ZNF385B: variants seen among roughly 807,000 people sequenced by gnomAD.
ZNF385B encodes the protein zinc finger protein 385B, also known as zinc finger protein 533.
In ZNF385B, 23 loss-of-function variants were observed where a neutral mutation model predicts 39.2. That is an observed-to-expected ratio of 0.59 (90% CI 0.42 to 0.83). The LOEUF (loss-of-function observed/expected upper bound fraction) is 0.83. Ranked by LOEUF, ZNF385B falls within the 40% of genes least tolerant of loss-of-function variation. The probability of loss-of-function intolerance (pLI) is 0.00; values close to 1 mark genes in which losing one functional copy is unlikely to be tolerated. For missense variants in ZNF385B, 552 were observed against 598.9 expected (o/e 0.92, Z 0.82); for synonymous variants, 205 against 222.6 (o/e 0.92, Z 0.70).
At chr2:179,718,199 T>C (rs17772191) in intron 3 of ZNF385B, among the ~76,000 whole-genome samples, 18,881 of 151,866 alleles carry the variant, frequency 0.12, 1,339 homozygotes, top group Non-Finnish European at 0.16. Context: ...GCAAAGGATA[T>C]TGTTCTTTAA....
chr2:179,509,636 C>T (rs868738028), intron 5 of ZNF385B, among the ~76,000 whole-genome samples: 14 of 152,226 alleles, frequency 9.2e-5, no homozygotes, highest in South Asian at 4.1e-4. Flanking sequence ...TATAAATAGT[C>T]TTATTTATGG....
chr2:179,474,481 A>G (rs532453017), intron 6 of ZNF385B, among the ~76,000 whole-genome samples: 5 of 152,296 alleles, frequency 3.3e-5, no homozygotes, highest in African/African-American at 1.2e-4. Context: ...AATACTTTCT[A>G]TCTGAATAAC....
intron 3 of ZNF385B, among the ~76,000 whole-genome samples, chr2:179,571,109 A>C (rs919732543): frequency 1.3e-5 from 2 of 152,196 alleles, no homozygotes; most frequent in African/African-American, 4.8e-5. Flanking sequence ...TTTCATTAAC[A>C]ATTTAAACAC....
At chr2:179,664,392 T>C (rs1012301751) in intron 3 of ZNF385B, among the ~76,000 whole-genome samples, 45 of 152,284 alleles carry the variant, frequency 3.0e-4, no homozygotes, top group African/African-American at 8.2e-4. Flanking sequence ...TGAGGAAAAA[T>C]TGTAGCCGAA....
chr2:179,758,395 T>C (rs1703175510), intron 3 of ZNF385B, among the ~76,000 whole-genome samples: 1 of 152,210 alleles, frequency 6.6e-6, no homozygotes, highest in African/African-American at 2.4e-5. Context: ...ACCAACACTG[T>C]GTCCTCAACT....
intron 3 of ZNF385B, among the ~76,000 whole-genome samples, chr2:179,727,197 C>T (rs1297102223): frequency 6.6e-6 from 1 of 151,996 alleles, no homozygotes; most frequent in African/African-American, 2.4e-5. Flanking sequence ...GATAACCACT[C>T]AATTTTATGA....
intron 3 of ZNF385B, among the ~76,000 whole-genome samples, chr2:179,742,137 T>A (rs760822546): frequency 5.3e-5 from 8 of 152,266 alleles, no homozygotes; most frequent in Non-Finnish European, 1.2e-4. Flanking sequence ...GCCTTTATTA[T>A]ACTAGTAATT....
chr2:179,693,248 CTTATG>C (rs1231138738), intron 3 of ZNF385B, among the ~76,000 whole-genome samples: 1 of 152,188 alleles, frequency 6.6e-6, no homozygotes, highest in Non-Finnish European at 1.5e-5. Flanking sequence ...GAGAGGCTCA[CTTATG>C]TTAGCAATTC....
intron 3 of ZNF385B, among the ~76,000 whole-genome samples, chr2:179,570,589 C>T (rs964183313): frequency 1.3e-5 from 2 of 152,124 alleles, no homozygotes; most frequent in Non-Finnish European, 2.9e-5. Flanking sequence ...TGGCACAGTT[C>T]GCATTCAATA....
At chr2:179,740,108 G>T (rs548203751) in intron 3 of ZNF385B, among the ~76,000 whole-genome samples, 108 of 152,242 alleles carry the variant, frequency 7.1e-4, no homozygotes, top group African/African-American at 2.5e-3. Context: ...AATGTAGCCT[G>T]CCCTCTCCCA....
chr2:179,763,106 T>C (rs1055116211), intron 3 of ZNF385B, among the ~76,000 whole-genome samples: 1 of 152,116 alleles, frequency 6.6e-6, no homozygotes, highest in Non-Finnish European at 1.5e-5. Context: ...AGTTTCACCA[T>C]GTTGGCCAGG....
At chr2:179,828,791 T>C (rs911519080) in intron 1 of ZNF385B, among the ~76,000 whole-genome samples, 2 of 152,194 alleles carry the variant, frequency 1.3e-5, no homozygotes, top group African/African-American at 4.8e-5. Flanking sequence ...ATTTGAAATA[T>C]ATGGGTTTTA....
At chr2:179,480,500 A>C (rs1220912916) in intron 6 of ZNF385B, among the ~76,000 whole-genome samples, 2 of 152,182 alleles carry the variant, frequency 1.3e-5, no homozygotes, top group Non-Finnish European at 2.9e-5. Context: ...AAGCTGTGGG[A>C]GCTTTTCAAG....
chr2:179,590,395 C>T (rs13411084), intron 3 of ZNF385B, among the ~76,000 whole-genome samples: 28,463 of 152,128 alleles, frequency 0.19, 2,927 homozygotes, highest in Middle Eastern at 0.27. Context: ...CTTCTACCTG[C>T]GCCATTTTGC....
At chr2:179,454,401 G>A (rs1574214147) in intron 6 of ZNF385B, among the ~76,000 whole-genome samples, 1 of 152,124 alleles carries the variant, frequency 6.6e-6, no homozygotes, top group South Asian at 2.1e-4. Flanking sequence ...ACACAATTAT[G>A]TAAGGTATAT....
In ZNF385B at chr2:179,813,283, A is replaced by G. The variant is rs1019253595; in HGVS notation, c.-154-42611T>C. Among the ~76,000 whole-genome samples, 13 of 152,312 alleles carry G rather than the reference A, an allele frequency of 8.5e-5. 1 individual carries two copies. The South Asian group carries it at 1.0e-3, about 12-fold the overall frequency. ...CCCCAGATTTGGACATCTGTCCCCA[A>G]TGTATTAAATACCTTAAACATATGC... On this transcript the variant is annotated intron_variant, in intron 1 of 9. Transcript: ENST00000410066.
chr2:179,584,492 A>T (rs1686877260), intron 3 of ZNF385B, among the ~76,000 whole-genome samples: 1 of 152,336 alleles, frequency 6.6e-6, no homozygotes, highest in African/African-American at 2.4e-5. Context: ...CATAAAATTC[A>T]GCCAGATGAA....
chr2:179,540,505 C>A (rs556306179), intron 4 of ZNF385B, among the ~76,000 whole-genome samples: 66 of 150,368 alleles, frequency 4.4e-4, no homozygotes, highest in African/African-American at 1.1e-3. Context: ...ACAAAAAAAA[C>A]CACAGTTTTC....
chr2:179,682,774 A>G (rs915249393), intron 3 of ZNF385B, among the ~76,000 whole-genome samples: 3 of 151,938 alleles, frequency 2.0e-5, no homozygotes, highest in Middle Eastern at 3.2e-3. Flanking sequence ...ACACACAGAC[A>G]TTTTTTAAAA....
Sources: allele counts gnomAD v4.1 joint callset (sites outside exome capture counted in the v4.1 genomes callset), GRCh38; gene constraint gnomAD v4.1.1; transcripts MANE v1.5; gene names NCBI Gene and HGNC (gene_info 2026-07-23, HGNC 2026-07-21).